The following SLCO1A2 variants were observed in gnomAD, a reference collection of about 807,000 sequenced individuals.
The protein encoded by SLCO1A2 is solute carrier organic anion transporter family member 1A2, also known as OATP-1.
Under a neutral mutation model 69.0 loss-of-function variants are expected in SLCO1A2, and 67 were observed. That is an observed-to-expected ratio of 0.97 (90% CI 0.80 to 1.19). The LOEUF is 1.19. Among genes scored for constraint, SLCO1A2 ranks in the 50% most tolerant of loss-of-function variants. The pLI is 0.00. For synonymous variants in SLCO1A2, 260 were observed against 265.9 expected (o/e 0.98, Z 0.22); for missense variants, 787 against 793.7 (o/e 0.99, Z 0.10).
chr12:21,292,773 T>C (rs1177344260), intron 11 of SLCO1A2, among the ~76,000 whole-genome samples: 1 of 152,018 alleles, frequency 6.6e-6, no homozygotes, highest in Non-Finnish European at 1.5e-5. Context: ...ATTTTGTATT[T>C]TTAGCAGAGA....
chr12:21,416,502 T>C (rs1289100124), intron 1 of SLCO1A2, among the ~76,000 whole-genome samples: 1 of 152,114 alleles, frequency 6.6e-6, no homozygotes, highest in Non-Finnish European at 1.5e-5. Context: ...TTTAACATTG[T>C]AATTCCCCAA....
chr12:21,295,669 A>G lies in SLCO1A2; in HGVS notation c.1199T>C (p.Leu400Pro). The G allele has an allele frequency of 6.2e-7, 1 of 1,606,904 alleles. No homozygotes were observed. ...IGCWLSLLEY[L>P]LYFLSFLMTC... ...CATGAGAAAAGATAAAAAATAGAGA[A>G]GATACTCAAGTAAGGATAACCAACA... Residue 400 changes from leucine to proline, a missense_variant, in exon 10 of 15, where the codon CTT (leucine) becomes CCT (proline). Leu to Pro is a moderately conservative substitution (Grantham distance 98). Coordinates refer to ENST00000683939, the MANE Select transcript of SLCO1A2 (RefSeq NM_001386879.1).
At chr12:21,288,299 G>T (rs1028500819) in intron 12 of SLCO1A2, among the ~76,000 whole-genome samples, 4 of 152,112 alleles carry the variant, frequency 2.6e-5, no homozygotes, top group African/African-American at 4.8e-5. Flanking sequence ...AAAATTAGTG[G>T]GTGTGGTGGT....
upstream of SLCO1A2, among the ~76,000 whole-genome samples, chr12:21,397,082 T>G (rs560155801): frequency 4.3e-4 from 65 of 152,126 alleles, no homozygotes; most frequent in African/African-American, 1.2e-3. Context: ...ACTGGCAAAT[T>G]GGATAAAGAG....
upstream of SLCO1A2, among the ~76,000 whole-genome samples, chr12:21,335,982 A>G (rs1952873763): frequency 6.6e-6 from 1 of 152,144 alleles, no homozygotes; most frequent in African/African-American, 2.4e-5. Flanking sequence ...TCATTGGGAA[A>G]GATAAAACTT....
intron 1 of SLCO1A2, among the ~76,000 whole-genome samples, chr12:21,409,266 A>G (rs1941870085): frequency 6.6e-6 from 1 of 152,176 alleles, no homozygotes. Flanking sequence ...CCATCTCATC[A>G]TATTGGCAAC....
chr12:21,390,191 T>C (rs1209442101), intron 1 of SLCO1A2, among the ~76,000 whole-genome samples: 2 of 151,856 alleles, frequency 1.3e-5, no homozygotes, highest in Non-Finnish European at 2.9e-5. Flanking sequence ...ACTGCTAGAG[T>C]TTTATAGAAA....
At chr12:21,364,542 G>A (rs1321848112) in intron 2 of SLCO1A2, among the ~76,000 whole-genome samples, 1 of 152,152 alleles carries the variant, frequency 6.6e-6, no homozygotes, top group African/African-American at 2.4e-5. Flanking sequence ...TGGAAGTTCT[G>A]GCCAGGGCAA....
At chr12:21,356,106 G>A (rs1938342931) in intron 2 of SLCO1A2, among the ~76,000 whole-genome samples, 1 of 151,986 alleles carries the variant, frequency 6.6e-6, no homozygotes, top group South Asian at 2.1e-4. Flanking sequence ...GAATAAATTT[G>A]AATCACAGCT....
At chr12:21,404,946 A>G (rs926922556) in intron 1 of SLCO1A2, among the ~76,000 whole-genome samples, 6 of 152,132 alleles carry the variant, frequency 3.9e-5, no homozygotes, top group Non-Finnish European at 8.8e-5. Context: ...GCATGAGATG[A>G]TATCTCAATG....
chr12:21,387,471 A>G (rs911165587), intron 1 of SLCO1A2, among the ~76,000 whole-genome samples: 2 of 152,158 alleles, frequency 1.3e-5, no homozygotes, highest in East Asian at 3.9e-4. Flanking sequence ...AATCATGGCT[A>G]AAAGGGGCCA....
intron 1 of SLCO1A2, among the ~76,000 whole-genome samples, chr12:21,407,822 A>T (rs371884649): frequency 5.2e-3 from 2 of 386 alleles, no homozygotes; most frequent in Non-Finnish European, 0.033. Context: ...AAAATAAATG[A>T]AAAAAAAAAA....
upstream of SLCO1A2, among the ~76,000 whole-genome samples, chr12:21,397,510 G>A (rs562479585): frequency 7.8e-3 from 1,191 of 152,068 alleles, 18 homozygotes; most frequent in African/African-American, 0.028. Context: ...ACTCAGCTCT[G>A]CACCAAGCGG....
chr12:21,299,719 G>T (rs1378995124), intron 8 of SLCO1A2, among the ~76,000 whole-genome samples: 2 of 147,084 alleles, frequency 1.4e-5, no homozygotes, highest in African/African-American at 5.0e-5. Context: ...TTCAACCTAT[G>T]TTCTCTGTAA....
At chr12:21,283,553 GA>G (rs59564128) in intron 12 of SLCO1A2, among the ~76,000 whole-genome samples, 9,953 of 149,808 alleles carry the variant, frequency 0.066, 766 homozygotes, top group East Asian at 0.35. Context: ...GATAACTAAT[GA>G]AAAAAAAATG....
intron 1 of SLCO1A2, among the ~76,000 whole-genome samples, chr12:21,412,625 G>T (rs868438240): frequency 6.6e-6 from 1 of 152,138 alleles, no homozygotes; most frequent in Non-Finnish European, 1.5e-5. Context: ...GAGTAAATTT[G>T]TCCAAGACTG....
intron 1 of SLCO1A2, among the ~76,000 whole-genome samples, chr12:21,406,243 T>G (rs1032283339): frequency 6.6e-6 from 1 of 152,218 alleles, no homozygotes; most frequent in Non-Finnish European, 1.5e-5. Flanking sequence ...AGTCAGAACA[T>G]TTTTTTCTAA....
At chr12:21,407,821 G>GAAAAAAAAAAAAAAA (rs71043274) in intron 1 of SLCO1A2, among the ~76,000 whole-genome samples, 1 of 109,968 alleles carries the variant, frequency 9.1e-6, no homozygotes, top group Non-Finnish European at 2.0e-5. Context: ...AAAAATAAAT[G>GAAAAAAAAAAAAAAA]AAAAAAAAAA....
At chr12:21,378,096 T>G (rs1478350807) in intron 1 of SLCO1A2, 4 of 681,042 alleles carry the variant, frequency 5.9e-6, no homozygotes, top group Non-Finnish European at 7.5e-6. Flanking sequence ...GCCATCTAGG[T>G]GTTTGCAAAC....
Sources: allele counts gnomAD v4.1 joint callset (sites outside exome capture counted in the v4.1 genomes callset), GRCh38; gene constraint gnomAD v4.1.1; transcripts MANE v1.5; gene names NCBI Gene and HGNC (gene_info 2026-07-23, HGNC 2026-07-21).